The following MMP16 variants were observed in gnomAD, a reference collection of about 807,000 sequenced individuals.
MMP16 encodes the protein matrix metallopeptidase 16, also known as matrix metalloproteinase-16.
In MMP16, 12 loss-of-function variants were observed where a neutral mutation model predicts 67.8. The observed-to-expected ratio is 0.18, with a 90% CI of 0.11 to 0.29. MMP16 has a LOEUF of 0.29. Ranked by LOEUF, MMP16 falls within the 10% of genes least tolerant of loss-of-function variation. The probability of loss-of-function intolerance (pLI) is 1.00; values close to 1 mark genes in which losing one functional copy is unlikely to be tolerated. For missense variants in MMP16, 475 were observed against 765.7 expected, an observed-to-expected ratio of 0.62 and a Z score of 4.48; for synonymous variants, 249 against 255.9, an observed-to-expected ratio of 0.97 and a Z score of 0.26.
chr8:88,054,288 T>C (rs543837821), intron 8 of MMP16, among the ~76,000 whole-genome samples: 16 of 152,244 alleles, frequency 1.1e-4, no homozygotes, highest in African/African-American at 3.4e-4. Context: ...TTGCCCTTTT[T>C]TGAGAAAAAG....
At chr8:88,123,433 G>A (rs1242404815) in intron 4 of MMP16, among the ~76,000 whole-genome samples, 1 of 151,168 alleles carries the variant, frequency 6.6e-6, no homozygotes, top group Admixed American at 6.6e-5. Context: ...TGAAAAACTT[G>A]ATACTTTTGT....
At chr8:88,128,549 T>G (rs1196071674) in intron 4 of MMP16, among the ~76,000 whole-genome samples, 2 of 151,718 alleles carry the variant, frequency 1.3e-5, no homozygotes, top group African/African-American at 4.8e-5. Flanking sequence ...GATGTACATA[T>G]TATCGCAGAC....
At chr8:88,193,781 T>A (rs1411162239) in intron 2 of MMP16, among the ~76,000 whole-genome samples, 1 of 151,952 alleles carries the variant, frequency 6.6e-6, no homozygotes, top group Non-Finnish European at 1.5e-5. Flanking sequence ...CACACTTGAG[T>A]GCATGCCACT....
intron 2 of MMP16, among the ~76,000 whole-genome samples, chr8:88,193,656 G>T (rs1468586742): frequency 1.3e-5 from 2 of 151,894 alleles, no homozygotes; most frequent in Non-Finnish European, 2.9e-5. Context: ...ACCCTGATTT[G>T]ATCACTATGT....
Position 88,189,875 on chromosome 8 carries a change from C to T in MMP16, c.282-3277G>A, listed in dbSNP as rs184738013. Among the ~76,000 whole-genome samples, 17 of 152,290 alleles carry T rather than the reference C, an allele frequency of 1.1e-4. 1 individual carries two copies. In the East Asian group the frequency reaches 3.3e-3, roughly 29 times the overall value. ...TGTATGTGTCTGTCTCTATCTACCACTGACCTGTGAGTGAGGGTAGAGAGC... is the reference window on the plus strand; with the variant it reads ...TGTATGTGTCTGTCTCTATCTACCATTGACCTGTGAGTGAGGGTAGAGAGC... On this transcript the variant is annotated intron_variant, in intron 2 of 9. Coordinates refer to ENST00000286614, the MANE Select transcript of MMP16 (RefSeq NM_005941.5).
intron 6 of MMP16, among the ~76,000 whole-genome samples, chr8:88,084,130 C>T (rs1347647252): frequency 1.3e-5 from 2 of 151,898 alleles, no homozygotes; most frequent in African/African-American, 2.4e-5. Context: ...ATTTTAATAG[C>T]AAAAGTATAC....
chr8:88,061,608 G>A (rs1808401068), intron 7 of MMP16, among the ~76,000 whole-genome samples: 1 of 151,956 alleles, frequency 6.6e-6, no homozygotes, highest in Non-Finnish European at 1.5e-5. Context: ...GGATGCCCTG[G>A]TGCATGGAGC....
At chr8:88,309,416 A>G (rs1242445251) in intron 1 of MMP16, among the ~76,000 whole-genome samples, 1 of 151,884 alleles carries the variant, frequency 6.6e-6, no homozygotes. Context: ...GGGAAGGAAG[A>G]AAGTCTATAA....
rs1035264339 is a variant in MMP16, at chr8:88,041,085, C to T, written c.*376G>A. ...TCTGATTTGCTTTTTTTTTCTCCCC[C>T]CAGAAATGGGCTCAGACTTCAGAAG... On this transcript the variant is annotated 3_prime_UTR_variant, in exon 10 of 10. Coordinates refer to ENST00000286614, the MANE Select transcript of MMP16 (RefSeq NM_005941.5). The surrounding 1 kb of genome is among the most constrained non-coding windows in gnomAD (Gnocchi z 6.0). 6 of 165,638 alleles carry T rather than the reference C, an allele frequency of 3.6e-5. No homozygotes were observed. The highest frequency in any genetic ancestry group is 2.7e-3 in the Middle Eastern group (1 of 368). 10.3% of individuals were successfully genotyped at this position (165,638 alleles called of 1,614,324 possible).
chr8:88,250,936 C>T (rs1466849006), intron 1 of MMP16, among the ~76,000 whole-genome samples: 5 of 139,486 alleles, frequency 3.6e-5, no homozygotes, highest in Admixed American at 7.4e-5. Context: ...CCTCCCCCTA[C>T]CCCACAACAG....
At chr8:88,153,922 A>C in intron 4 of MMP16, among the ~76,000 whole-genome samples, 1 of 151,318 alleles carries the variant, frequency 6.6e-6, no homozygotes, top group Admixed American at 6.6e-5. Flanking sequence ...CATCAGAGTG[A>C]ACAGGCAACC....
In MMP16 at chr8:88,038,628, GTTA is replaced by G. The variant is rs1808087848; in HGVS notation, c.*2830_*2832del. 1 of 152,526 alleles carries G rather than the reference GTTA, an allele frequency of 6.6e-6. No homozygotes were observed. The highest frequency in any genetic ancestry group is 2.4e-5 in the African/African-American group (1 of 41,446). 9.4% of individuals were successfully genotyped at this position (152,526 alleles called of 1,614,324 possible). A position where few individuals can be genotyped will look rare whatever the true frequency, so the allele number is the denominator to read the frequency against. On this transcript the variant is annotated 3_prime_UTR_variant, in exon 10 of 10. Transcript: ENST00000286614. This position sits in a 1 kb window ranked among gnomAD's most constrained non-coding sequence, Gnocchi z 4.1. ...TATCTTTAGCAAAATATAGTTTCCA[GTTA>G]TTTTTTTCTTGACATCAAGGCCCTA...
intron 6 of MMP16, among the ~76,000 whole-genome samples, chr8:88,111,725 A>C (rs1809340681): frequency 6.6e-6 from 1 of 151,744 alleles, no homozygotes; most frequent in Admixed American, 6.6e-5. Context: ...GAGGCAGCAA[A>C]GGAGGAAGCA....
intron 6 of MMP16, among the ~76,000 whole-genome samples, chr8:88,106,794 T>G (rs1196495043): frequency 6.6e-6 from 1 of 151,286 alleles, no homozygotes; most frequent in Non-Finnish European, 1.5e-5. Context: ...TGTATTTTCT[T>G]TTTTTCATTT....
At chr8:88,294,320 A>T (rs1274247950) in intron 1 of MMP16, among the ~76,000 whole-genome samples, 1 of 150,720 alleles carries the variant, frequency 6.6e-6, no homozygotes, top group East Asian at 2.0e-4. Flanking sequence ...GTATATGTCT[A>T]TATGTGTATG....
chr8:88,124,144 A>G (rs1210033192), intron 4 of MMP16, among the ~76,000 whole-genome samples: 6 of 151,970 alleles, frequency 3.9e-5, no homozygotes, highest in Non-Finnish European at 5.9e-5. Flanking sequence ...TTGATGACAA[A>G]CCAATTTATT....
intron 5 of MMP16, among the ~76,000 whole-genome samples, chr8:88,117,849 C>T (rs1466761292): frequency 6.6e-6 from 1 of 152,022 alleles, no homozygotes; most frequent in South Asian, 2.1e-4. Context: ...TATTAACATA[C>T]AGATAGCACA....
chr8:88,304,425 C>A (rs1330672421), intron 1 of MMP16, among the ~76,000 whole-genome samples: 3 of 152,128 alleles, frequency 2.0e-5, no homozygotes, highest in African/African-American at 7.2e-5. Flanking sequence ...GGCCAACATT[C>A]AAATTCAGGA....
rs574081903 is a variant in MMP16 at position 88,081,243 on chromosome 8, T to C, written c.1084-6500A>G. The stretch of plus-strand genomic sequence containing the variant: ...AATAAATGGGGAGCTTCAGTTGGAG[T>C]TCAGGGGAGGAAAAGTGTACTTTGG... On this transcript the variant is annotated intron_variant, in intron 6 of 9. Transcript: ENST00000286614. Among the ~76,000 whole-genome samples, 9 of 151,980 alleles carry C rather than the reference T, an allele frequency of 5.9e-5. No homozygotes were observed. The East Asian group carries it at 1.8e-3, about 30-fold the overall frequency.
Sources: allele counts gnomAD v4.1 joint callset (sites outside exome capture counted in the v4.1 genomes callset), GRCh38; gene constraint gnomAD v4.1.1; non-coding constraint Gnocchi (gnomAD v3.1); transcripts MANE v1.5; gene names NCBI Gene and HGNC (gene_info 2026-07-23, HGNC 2026-07-21).